PRDM11: variants seen among roughly 807,000 people sequenced by gnomAD.
PRDM11 encodes PR/SET domain 11.
Under a neutral mutation model 97.8 loss-of-function variants are expected in PRDM11, and 20 were observed. The observed-to-expected ratio is 0.20, with a 90% CI of 0.14 to 0.30. The LOEUF is 0.30. Ranked by LOEUF, PRDM11 falls within the 10% of genes least tolerant of loss-of-function variation. PRDM11 has a pLI of 1.00. For synonymous variants in PRDM11, 599 were observed against 637.7 expected (o/e 0.94, Z 0.91); for missense variants, 1,139 against 1,555.2 (o/e 0.73, Z 4.50).
intron 1 of PRDM11, among the ~76,000 whole-genome samples, chr11:45,161,884 T>C (rs975255739): frequency 1.3e-5 from 2 of 152,208 alleles, no homozygotes; most frequent in African/African-American, 4.8e-5. Flanking sequence ...ACACTGAGGC[T>C]CCAGGAGGTC....
At chr11:45,203,991 C>T (rs1002049775) in intron 4 of PRDM11, among the ~76,000 whole-genome samples, 4 of 152,142 alleles carry the variant, frequency 2.6e-5, no homozygotes, top group African/African-American at 9.7e-5. Flanking sequence ...AGCAAAACTG[C>T]AGAAAATCAA....
At chr11:45,192,137 C>T (rs565164509) in intron 4 of PRDM11, among the ~76,000 whole-genome samples, 15 of 152,134 alleles carry the variant, frequency 9.9e-5, no homozygotes, top group Admixed American at 3.3e-4. Flanking sequence ...ACTGAGGGAA[C>T]GCAGCATAGC....
At chr11:45,165,095 G>T (rs548601418) in intron 1 of PRDM11, among the ~76,000 whole-genome samples, 2 of 152,152 alleles carry the variant, frequency 1.3e-5, no homozygotes, top group Non-Finnish European at 2.9e-5. Context: ...TCTCCAGATC[G>T]CATAGTTAGT....
intron 4 of PRDM11, among the ~76,000 whole-genome samples, chr11:45,183,933 G>A (rs1030222006): frequency 2.2e-4 from 33 of 152,352 alleles, no homozygotes; most frequent in African/African-American, 7.7e-4. Flanking sequence ...GGAGTTCTCT[G>A]TGGGAAAGAT....
chr11:45,133,678 C>T (rs1305965829), intron 1 of PRDM11, among the ~76,000 whole-genome samples: 2 of 152,198 alleles, frequency 1.3e-5, no homozygotes, highest in African/African-American at 2.4e-5. Flanking sequence ...TTCCCTTCTT[C>T]TACTGGCATG....
At chr11:45,095,441 G>T (rs1373622628), upstream of PRDM11, among the ~76,000 whole-genome samples, 2 of 152,236 alleles carry the variant, frequency 1.3e-5, no homozygotes, top group Non-Finnish European at 2.9e-5. Context: ...AAGGGCAGTA[G>T]AGACAGTGCT....
intron 4 of PRDM11, among the ~76,000 whole-genome samples, chr11:45,193,355 A>C (rs538358068): frequency 6.6e-6 from 1 of 152,218 alleles, no homozygotes; most frequent in African/African-American, 2.4e-5. Context: ...GCAAGTAGTC[A>C]TAATTGGGGT....
upstream of PRDM11, among the ~76,000 whole-genome samples, chr11:45,095,548 C>T (rs573036778): frequency 1.8e-4 from 27 of 152,312 alleles, no homozygotes; most frequent in African/African-American, 5.8e-4. Flanking sequence ...TCCTGATGAA[C>T]GCACCCCTAA....
rs116945168 is a variant in PRDM11, at chr11:45,205,278, C to T, written c.554+500C>T. ...TTGAAGTGTCAACTTTACCCTGTTC[C>T]GGTGTTTGGGACAGAATTTTGCACC... is the stretch of plus-strand genomic sequence containing the variant. On this transcript the variant is annotated intron_variant, in intron 5 of 7. Transcript: ENST00000683152. Among the ~76,000 whole-genome samples the T allele has an allele frequency of 1.6e-4, 24 of 152,258 alleles. No individual in the cohort carries two copies. The East Asian group carries it at 2.5e-3, about 16-fold the overall frequency.
chr11:45,178,266 C>T (rs183086591), intron 1 of PRDM11, among the ~76,000 whole-genome samples: 3 of 152,174 alleles, frequency 2.0e-5, no homozygotes, highest in Admixed American at 2.0e-4. Flanking sequence ...TAATGGGGAC[C>T]ACCTCCTCCT....
At chr11:45,161,583 G>A (rs1851928845) in intron 1 of PRDM11, among the ~76,000 whole-genome samples, 2 of 152,236 alleles carry the variant, frequency 1.3e-5, no homozygotes, top group South Asian at 4.1e-4. Flanking sequence ...ATCTCCCTTG[G>A]CCTGCAGGGT....
intron 1 of PRDM11, among the ~76,000 whole-genome samples, chr11:45,113,597 ATTTG>A (rs1411135545): frequency 1.3e-5 from 2 of 152,040 alleles, no homozygotes; most frequent in African/African-American, 4.8e-5. Flanking sequence ...ATGTGTTTCC[ATTTG>A]TTTGTGTTAT....
intron 4 of PRDM11, among the ~76,000 whole-genome samples, chr11:45,186,799 G>A (rs1343186556): frequency 1.3e-5 from 2 of 152,190 alleles, no homozygotes; most frequent in African/African-American, 4.8e-5. Context: ...CCATAGGGTG[G>A]GGGTTGCTGC....
chr11:45,226,909 G>C lies in PRDM11; in HGVS notation c.2284G>C (p.Val762Leu). The change falls in exon 8 of 8, where the codon GTG becomes CTG. Residue 762 changes from valine to leucine, a missense_variant. By Grantham distance (32) the Val-to-Leu change is conservative. This residue lies in a region of PRDM11 where 710 missense variants were observed against 1,044.9 expected (regional missense o/e 0.68). Transcript: ENST00000683152. Reference sequence around the variant, plus strand: ...CTGGCTGCTGTGCCTGCCCTTCATGGTGCACCGGCCCCACCTGGAGATCCT... The same window carrying C: ...CTGGCTGCTGTGCCTGCCCTTCATGCTGCACCGGCCCCACCTGGAGATCCT... Reference protein sequence around the residue: ...LPWLLCLPFMVHRPHLEILDA... With the variant: ...LPWLLCLPFMLHRPHLEILDA... 2.0e-6 allele frequency: 3 copies of C among 1,533,946 alleles called. No homozygotes were observed. In the South Asian group the frequency reaches 3.6e-5, roughly 18 times the overall value.
At chr11:45,163,906 TGTG>T (rs1851994598) in intron 1 of PRDM11, among the ~76,000 whole-genome samples, 1 of 152,104 alleles carries the variant, frequency 6.6e-6, no homozygotes. Context: ...CACATGACGG[TGTG>T]GTGGGGCTCG....
intron 4 of PRDM11, among the ~76,000 whole-genome samples, chr11:45,203,492 C>T (rs527460281): frequency 1.4e-4 from 21 of 150,462 alleles, no homozygotes; most frequent in Admixed American, 1.2e-3. Context: ...GGATTAGACA[C>T]AGCCAAAGAG....
chr11:45,144,383 C>A (rs1405481701), upstream of PRDM11, among the ~76,000 whole-genome samples: 2 of 152,176 alleles, frequency 1.3e-5, no homozygotes, highest in African/African-American at 4.8e-5. Flanking sequence ...GCCTGCAATG[C>A]CTGAGGACCC....
intron 1 of PRDM11, among the ~76,000 whole-genome samples, chr11:45,103,623 G>A (rs943287538): frequency 6.6e-6 from 1 of 151,712 alleles, no homozygotes; most frequent in South Asian, 2.1e-4. Flanking sequence ...GAGGGTGTCA[G>A]AAATACTTCT....
chr11:45,154,297 G>A (rs1851734229), intron 1 of PRDM11, among the ~76,000 whole-genome samples: 2 of 152,166 alleles, frequency 1.3e-5, no homozygotes, highest in Admixed American at 1.3e-4. Flanking sequence ...TCGAGGCTGT[G>A]ATGAGCTGAG....
Sources: gnomAD v4.1 joint callset for allele counts (sites outside exome capture counted in the v4.1 genomes callset) on GRCh38, gnomAD v4.1.1 for gene constraint, gnomAD v4.1.1 regional missense constraint, MANE v1.5 for transcripts, NCBI Gene and HGNC (gene_info 2026-07-23, HGNC 2026-07-21) for gene names.